Variants in PHACTR1 observed in about 807,000 individuals in gnomAD.
PHACTR1 encodes phosphatase and actin regulator 1, also known as RPEL repeat containing 1.
A neutral mutation model predicts 69.2 loss-of-function variants in PHACTR1; 16 were observed. That is an observed-to-expected ratio of 0.23 (90% CI 0.16 to 0.35). PHACTR1 has a LOEUF of 0.35. Among genes scored for constraint, PHACTR1 ranks in the 10% least tolerant of loss-of-function variants. The pLI is 1.00. For missense variants in PHACTR1, 510 were observed against 734.7 expected (o/e 0.69, Z 3.54); for synonymous variants, 312 against 284.5 (o/e 1.10, Z -0.97).
rs190367583 is a variant in PHACTR1 at position 12,955,227 on chromosome 6, C to G, written c.251-98138C>G. Among the ~76,000 whole-genome samples, 409 of 94,304 alleles carry G rather than the reference C, an allele frequency of 4.3e-3. 3 individuals are homozygous for G. The highest frequency in any genetic ancestry group is 7.7e-3 in the Middle Eastern group (1 of 130). 61.9% of individuals were successfully genotyped at this position (94,304 alleles called of 152,430 possible). On this transcript the variant is annotated intron_variant, in intron 4 of 14. Transcript: ENST00000332995. ...TTTTTTTTTTTGAGAGAGATAGCAT[C>G]TTGCTTTGTTGCCCAGGCTGGAGTG...
Position 13,015,305 on chromosome 6 carries a change from C to T in PHACTR1, c.251-38060C>T, listed in dbSNP as rs529280004. Reference sequence around the variant, plus strand: ...CTGCAAGAGAGGTTGTGCAGGACACCACCAGGCATCCAAGAGGAAAACTGG... The same window carrying T: ...CTGCAAGAGAGGTTGTGCAGGACACTACCAGGCATCCAAGAGGAAAACTGG... On this transcript the variant is annotated intron_variant, in intron 4 of 14. Transcript: ENST00000332995. Among the ~76,000 whole-genome samples, 5 of 152,252 alleles carry T rather than the reference C, an allele frequency of 3.3e-5. No individual in the cohort carries two copies. The South Asian group carries it at 1.0e-3, about 32-fold the overall frequency.
intron 4 of PHACTR1, among the ~76,000 whole-genome samples, chr6:12,808,689 A>AC (rs1206034431): frequency 6.6e-6 from 1 of 152,132 alleles, no homozygotes; most frequent in Non-Finnish European, 1.5e-5. Flanking sequence ...AAAAGAGAAT[A>AC]CCTATCAGTG....
intron 8 of PHACTR1, among the ~76,000 whole-genome samples, chr6:13,226,961 C>G (rs965248282): frequency 6.6e-6 from 1 of 152,180 alleles, no homozygotes; most frequent in African/African-American, 2.4e-5. Flanking sequence ...TGGTCTCGAT[C>G]TCTTGACCCC....
At chr6:12,855,781 C>T (rs1163949472) in intron 4 of PHACTR1, among the ~76,000 whole-genome samples, 1 of 151,844 alleles carries the variant, frequency 6.6e-6, no homozygotes. Flanking sequence ...GACCATGTAC[C>T]CCCGAATCTA....
intron 4 of PHACTR1, among the ~76,000 whole-genome samples, chr6:12,893,863 G>T (rs553979824): frequency 3.3e-5 from 5 of 152,272 alleles, no homozygotes; most frequent in African/African-American, 9.6e-5. Context: ...CCCTGTTGCT[G>T]CAGGGAGAGA....
chr6:12,991,259 C>T (rs1291531514), intron 4 of PHACTR1, among the ~76,000 whole-genome samples: 2 of 152,208 alleles, frequency 1.3e-5, no homozygotes, highest in Non-Finnish European at 2.9e-5. Context: ...TGCTAACACA[C>T]TGACCCAGGG....
intron 4 of PHACTR1, among the ~76,000 whole-genome samples, chr6:12,994,288 C>T (rs1035359934): frequency 2.0e-5 from 3 of 152,142 alleles, no homozygotes; most frequent in Non-Finnish European, 4.4e-5. Flanking sequence ...TAGTGTAAAG[C>T]AACTTCTCTG....
At chr6:13,089,144 C>A (rs1812793843) in intron 5 of PHACTR1, among the ~76,000 whole-genome samples, 1 of 152,156 alleles carries the variant, frequency 6.6e-6, no homozygotes, top group Non-Finnish European at 1.5e-5. Context: ...AACACAGTCC[C>A]CTCCCCCTTA....
intron 4 of PHACTR1, among the ~76,000 whole-genome samples, chr6:12,934,763 G>A (rs1789251675): frequency 6.6e-6 from 1 of 151,872 alleles, no homozygotes; most frequent in Non-Finnish European, 1.5e-5. Flanking sequence ...TTGAGCCTGG[G>A]AAGCAGAGGT....
rs1584386913 is a variant in PHACTR1 at position 13,275,812 on chromosome 6, C to T, written c.1448-2456C>T. 6.6e-6 allele frequency: 1 copy of T among 152,162 alleles called. No homozygotes were observed. The highest frequency in any genetic ancestry group is 1.9e-4 in the East Asian group (1 of 5,188). 9.4% of individuals were successfully genotyped at this position (152,162 alleles called of 1,614,324 possible). On this transcript the variant is annotated intron_variant, in intron 11 of 14. Coordinates refer to ENST00000332995, the MANE Select transcript of PHACTR1 (RefSeq NM_030948.6). The surrounding 1 kb of genome is among the most constrained non-coding windows in gnomAD (Gnocchi z 4.0). ...CTAGCTGTCCCTGGTGACCCAACAT[C>T]CAGACCACCTTTTCTTCCATCCGTT...
At position 13,115,655 on chromosome 6, in the gene PHACTR1, G is replaced by T. The variant is rs193179551; in HGVS notation, c.416-44549G>T. Among the ~76,000 whole-genome samples the T allele has an allele frequency of 3.8e-4, 58 of 152,266 alleles. No individual in the cohort carries two copies. The East Asian group carries it at 6.6e-3, about 17-fold the overall frequency. ...AGTTACTAAGGTTGCCACAGTCGAA[G>T]CTCCCATCCTGATGGCTTTAAACCC... On this transcript the variant is annotated intron_variant, in intron 5 of 14. Transcript: ENST00000332995.
At chr6:12,909,464 G>T (rs1237579831) in intron 4 of PHACTR1, among the ~76,000 whole-genome samples, 1 of 152,244 alleles carries the variant, frequency 6.6e-6, no homozygotes, top group South Asian at 2.1e-4. Flanking sequence ...GGGAGTAATT[G>T]GTTTTAAATT....
In PHACTR1 at chr6:12,995,298, G is replaced by C. The variant is rs185692001; in HGVS notation, c.251-58067G>C. Among the ~76,000 whole-genome samples the C allele has an allele frequency of 2.7e-3, 397 of 147,530 alleles. 1 individual carries two copies. The highest frequency in any genetic ancestry group is 4.4e-3 in the Non-Finnish European group (296 of 66,800). On this transcript the variant is annotated intron_variant, in intron 4 of 14. Transcript: ENST00000332995. Reference sequence around the variant, plus strand: ...ACTTCCAAATTAGAGGAAAGGAAAAGAAAGAATAGAACCCCATCAGTCAGA... The same window carrying C: ...ACTTCCAAATTAGAGGAAAGGAAAACAAAGAATAGAACCCCATCAGTCAGA...
At chr6:12,879,864 G>A (rs1387215349) in intron 4 of PHACTR1, among the ~76,000 whole-genome samples, 2 of 152,176 alleles carry the variant, frequency 1.3e-5, no homozygotes, top group South Asian at 2.1e-4. Flanking sequence ...GATCCACAAT[G>A]GCCATTATTC....
At chr6:12,762,251 A>G (rs1358406131) in intron 4 of PHACTR1, among the ~76,000 whole-genome samples, 1 of 152,030 alleles carries the variant, frequency 6.6e-6, no homozygotes, top group Non-Finnish European at 1.5e-5. Flanking sequence ...AGTTTAGAAT[A>G]CCCTCCTAAA....
intron 5 of PHACTR1, among the ~76,000 whole-genome samples, chr6:13,128,606 G>GA (rs1276127028): frequency 8.6e-5 from 13 of 151,430 alleles, no homozygotes; most frequent in Admixed American, 7.9e-4. Context: ...CAAAGACAAT[G>GA]AAAAAAAATT....
chr6:13,151,965 T>C (rs1268086334), intron 5 of PHACTR1, among the ~76,000 whole-genome samples: 1 of 152,150 alleles, frequency 6.6e-6, no homozygotes, highest in African/African-American at 2.4e-5. Flanking sequence ...TTAAATGCCC[T>C]ATTTTTAACA....
intron 5 of PHACTR1, among the ~76,000 whole-genome samples, chr6:13,066,896 T>G (rs1808734629): frequency 6.6e-6 from 1 of 152,144 alleles, no homozygotes; most frequent in Non-Finnish European, 1.5e-5. Context: ...ATTGGCTTAG[T>G]ATTACAGTCA....
At chr6:13,189,638 G>C (rs1763248334) in intron 7 of PHACTR1, among the ~76,000 whole-genome samples, 1 of 152,084 alleles carries the variant, frequency 6.6e-6, no homozygotes, top group Non-Finnish European at 1.5e-5. Flanking sequence ...GAGCTCAAGT[G>C]ATCCACCCAT....
Sources: allele counts gnomAD v4.1 joint callset (sites outside exome capture counted in the v4.1 genomes callset), GRCh38; gene constraint gnomAD v4.1.1; non-coding constraint Gnocchi (gnomAD v3.1); transcripts MANE v1.5; gene names NCBI Gene and HGNC (gene_info 2026-07-23, HGNC 2026-07-21).